Variants in TMEM132B observed in about 807,000 individuals in gnomAD.
TMEM132B encodes transmembrane protein 132B.
In TMEM132B, 18 loss-of-function variants were observed where a neutral mutation model predicts 90.8. The ratio of observed to expected loss-of-function variants is 0.20; its 90% CI spans 0.14 to 0.29. The LOEUF (loss-of-function observed/expected upper bound fraction) is 0.29, where lower values mean the gene tolerates loss of function less well. Among genes scored for constraint, TMEM132B ranks in the 10% least tolerant of loss-of-function variants. TMEM132B has a pLI of 1.00. For missense variants in TMEM132B, 1,096 were observed against 1,326.8 expected (o/e 0.83, Z 2.70); for synonymous variants, 504 against 523.3 (o/e 0.96, Z 0.50).
chr12:125,547,509 C>T (rs575526177), intron 4 of TMEM132B, among the ~76,000 whole-genome samples: 4 of 152,034 alleles, frequency 2.6e-5, no homozygotes, highest in African/African-American at 4.8e-5. Context: ...TGAGCTTTGT[C>T]GATAATATAT....
intron 1 of TMEM132B, among the ~76,000 whole-genome samples, chr12:125,260,510 AC>A (rs200178345): frequency 1.6e-4 from 22 of 138,750 alleles, no homozygotes; most frequent in African/African-American, 3.5e-4. Context: ...GCTAAGGTTT[AC>A]CTTTTTTTTT....
chr12:125,566,481 G>A (rs916064952), intron 4 of TMEM132B, among the ~76,000 whole-genome samples: 52 of 152,166 alleles, frequency 3.4e-4, no homozygotes, highest in Middle Eastern at 3.4e-3. Flanking sequence ...ACAACATTTC[G>A]AGCATTTGCT....
chr12:125,654,462 C>T lies in TMEM132B; in HGVS notation c.3004C>T (p.Leu1002=). The T allele has an allele frequency of 6.2e-7, 1 of 1,613,758 alleles. No individual in the cohort carries two copies. Among genetic ancestry groups the T allele is most frequent in the Non-Finnish European group, 8.5e-7 (1 of 1,180,010 alleles). The change falls in exon 9 of 9, where the codon CTA becomes TTA. Residue 1002 remains leucine (L), a synonymous_variant. Transcript: ENST00000682704. The surrounding 1 kb of genome is among the most constrained non-coding windows in gnomAD (Gnocchi z 5.8). ...TTCCCAGAAGACTTTTCATAGTCAA[C>T]TACTCAGACCCTCTGACTATGTCTA... is the stretch of plus-strand genomic sequence containing the variant. The part of the protein sequence containing the change: ...GSSQKTFHSQ[L]LRPSDYVYEK...
chr12:125,338,777 G>A (rs1453967903), intron 1 of TMEM132B, among the ~76,000 whole-genome samples: 1 of 152,170 alleles, frequency 6.6e-6, no homozygotes, highest in African/African-American at 2.4e-5. Context: ...TTTATTTGCA[G>A]ATATCCTCCC....
chr12:125,196,323 G>C (rs763108780), intron 1 of TMEM132B, among the ~76,000 whole-genome samples: 1 of 152,226 alleles, frequency 6.6e-6, no homozygotes, highest in Non-Finnish European at 1.5e-5. Flanking sequence ...AACTTCATCC[G>C]TGAGTTGGGC....
intron 3 of TMEM132B, among the ~76,000 whole-genome samples, chr12:125,470,037 C>T (rs1032800382): frequency 1.3e-4 from 20 of 152,310 alleles, no homozygotes; most frequent in South Asian, 2.1e-4. Context: ...AAGGCACATG[C>T]GGGTTGAAAG....
intron 5 of TMEM132B, among the ~76,000 whole-genome samples, chr12:125,597,887 G>A (rs527277301): frequency 6.6e-6 from 1 of 152,292 alleles, no homozygotes; most frequent in South Asian, 2.1e-4. Flanking sequence ...TGGAGCTTGA[G>A]TCCAGGTTCA....
chr12:125,205,495 G>A (rs1426587287), intron 1 of TMEM132B, among the ~76,000 whole-genome samples: 1 of 152,198 alleles, frequency 6.6e-6, no homozygotes, highest in Non-Finnish European at 1.5e-5. Flanking sequence ...CTTTCAGTGA[G>A]GGTACCACGT....
intron 4 of TMEM132B, among the ~76,000 whole-genome samples, chr12:125,549,245 G>T (rs1383405325): frequency 1.3e-5 from 2 of 152,206 alleles, no homozygotes; most frequent in Non-Finnish European, 2.9e-5. Flanking sequence ...CATTTATCAG[G>T]TTAATCTCCT....
At chr12:125,241,337 G>A (rs797000699) in intron 1 of TMEM132B, among the ~76,000 whole-genome samples, 2 of 152,236 alleles carry the variant, frequency 1.3e-5, no homozygotes, top group African/African-American at 4.8e-5. Context: ...TGCTTCTCTT[G>A]GAGGCAAGAT....
Position 125,406,755 on chromosome 12 carries a change from C to T in TMEM132B, c.960-8776C>T, listed in dbSNP as rs1213823497. ...CTCAAGACCACCCTCACTTCTGATG[C>T]CATCTGCAAGTCTGGAGGGTCCCCA... On this transcript the variant is annotated intron_variant, in intron 2 of 8. Transcript: ENST00000682704. The surrounding 1 kb of genome is among the most constrained non-coding windows in gnomAD (Gnocchi z 8.3). Among the ~76,000 whole-genome samples, 1 of 152,182 alleles carries T rather than the reference C, an allele frequency of 6.6e-6. No individual in the cohort carries two copies. The highest frequency in any genetic ancestry group is 1.5e-5 in the Non-Finnish European group (1 of 68,056).
Position 125,213,300 on chromosome 12 carries a change from C to T in TMEM132B, c.67+26434C>T, listed in dbSNP as rs980768660. ...ATCTTCCATTGTCTATCGGATATGC[C>T]ACCTTTTGTTTATCCGTTCATCTGT... On this transcript the variant is annotated intron_variant, in intron 1 of 8. Transcript: ENST00000682704. This position sits in a 1 kb window ranked among gnomAD's most constrained non-coding sequence, Gnocchi z 4.2. Among the ~76,000 whole-genome samples, 2 of 152,168 alleles carry T rather than the reference C, an allele frequency of 1.3e-5. No homozygotes were observed. Among genetic ancestry groups the T allele is most frequent in the African/African-American group, 4.8e-5 (2 of 41,410 alleles).
At chr12:125,612,338 C>T (rs1028214069) in intron 5 of TMEM132B, among the ~76,000 whole-genome samples, 2 of 151,614 alleles carry the variant, frequency 1.3e-5, no homozygotes, top group African/African-American at 4.8e-5. Flanking sequence ...AGGTGCATGC[C>T]TGTAATCCTA....
chr12:125,271,708 G>A (rs181667510), intron 1 of TMEM132B, among the ~76,000 whole-genome samples: 2 of 151,854 alleles, frequency 1.3e-5, no homozygotes. Context: ...AAGAGGCCAT[G>A]TTTCCCAAAC....
chr12:125,208,459 C>T (rs993951290), intron 1 of TMEM132B, among the ~76,000 whole-genome samples: 6 of 152,228 alleles, frequency 3.9e-5, no homozygotes, highest in African/African-American at 1.4e-4. Context: ...ACCCCCATTC[C>T]TCCAGGCCCT....
intron 4 of TMEM132B, among the ~76,000 whole-genome samples, chr12:125,552,276 A>T (rs923556889): frequency 6.6e-6 from 1 of 152,230 alleles, no homozygotes; most frequent in Non-Finnish European, 1.5e-5. Context: ...GAGAAAGAGA[A>T]CCAAGCTTGT....
rs114303956 is a variant in TMEM132B at position 125,408,671 on chromosome 12, C to T, written c.960-6860C>T. ...CATTTTGGGCTGATGGCAGGGCTGTCGTGCACCTTCTTGTATGTGTGTCTT... is the reference window on the plus strand; with the variant it reads ...CATTTTGGGCTGATGGCAGGGCTGTTGTGCACCTTCTTGTATGTGTGTCTT... On this transcript the variant is annotated intron_variant, in intron 2 of 8. Transcript: ENST00000682704. This position sits in a 1 kb window ranked among gnomAD's most constrained non-coding sequence, Gnocchi z 5.9. 8.8e-3 allele frequency among the ~76,000 whole-genome samples: 1,346 copies of T among 152,260 alleles called. 18 individuals are homozygous for T. Among genetic ancestry groups the T allele is most frequent in the African/African-American group, 0.029 (1,189 of 41,532 alleles).
At chr12:125,401,919 G>A (rs566517764) in intron 2 of TMEM132B, among the ~76,000 whole-genome samples, 2 of 152,092 alleles carry the variant, frequency 1.3e-5, no homozygotes, top group Admixed American at 6.5e-5. Flanking sequence ...GGCAATTCCC[G>A]ATCTGTGCAC....
intron 4 of TMEM132B, among the ~76,000 whole-genome samples, chr12:125,528,393 G>T (rs1883551155): frequency 6.6e-6 from 1 of 152,224 alleles, no homozygotes; most frequent in African/African-American, 2.4e-5. Context: ...GAGTTTCTAG[G>T]CAACTGGGCA....
Sources: allele counts gnomAD v4.1 joint callset (sites outside exome capture counted in the v4.1 genomes callset), GRCh38; gene constraint gnomAD v4.1.1; non-coding constraint Gnocchi (gnomAD v3.1); transcripts MANE v1.5; gene names NCBI Gene and HGNC (gene_info 2026-07-23, HGNC 2026-07-21).